Variants in NALF1 observed in about 807,000 individuals in gnomAD.
The protein encoded by NALF1 is NALCN channel auxiliary factor 1.
Under a neutral mutation model 48.4 loss-of-function variants are expected in NALF1, and 3 were observed. The observed-to-expected ratio is 0.06, with a 90% CI of 0.03 to 0.16. NALF1 has a LOEUF of 0.16. Ranked by LOEUF, NALF1 falls within the 10% of genes least tolerant of loss-of-function variation. NALF1 has a pLI of 1.00. For missense variants in NALF1, 526 were observed against 571.5 expected (o/e 0.92, Z 0.81); for synonymous variants, 262 against 245.7 (o/e 1.07, Z -0.62).
At chr13:107,581,547 A>G (rs1878309641) in intron 1 of NALF1, among the ~76,000 whole-genome samples, 1 of 152,188 alleles carries the variant, frequency 6.6e-6, no homozygotes, top group African/African-American at 2.4e-5. Flanking sequence ...CTTGTGTACT[A>G]CAAGAAAATT....
intron 1 of NALF1, among the ~76,000 whole-genome samples, chr13:107,693,969 T>C (rs908990908): frequency 2.6e-5 from 4 of 152,190 alleles, no homozygotes; most frequent in Non-Finnish European, 5.9e-5. Context: ...AAATCGTACA[T>C]GTAACGTCAC....
chr13:107,673,348 G>A (rs1241823853), intron 1 of NALF1, among the ~76,000 whole-genome samples: 1 of 152,164 alleles, frequency 6.6e-6, no homozygotes, highest in Admixed American at 6.5e-5. Flanking sequence ...AGGGATTGGA[G>A]CTTGTCCCAG....
intron 1 of NALF1, among the ~76,000 whole-genome samples, chr13:107,379,211 T>G (rs1883390275): frequency 6.6e-6 from 1 of 152,188 alleles, no homozygotes; most frequent in Non-Finnish European, 1.5e-5. Context: ...CACTTTATGT[T>G]CTGTTGAGTG....
intron 1 of NALF1, among the ~76,000 whole-genome samples, chr13:107,564,543 G>A (rs1026604345): frequency 6.6e-6 from 1 of 152,110 alleles, no homozygotes; most frequent in Admixed American, 6.5e-5. Flanking sequence ...TAGAGTCCAG[G>A]CCCCTAGTTC....
chr13:107,735,536 T>C (rs1876443836), intron 1 of NALF1, among the ~76,000 whole-genome samples: 1 of 152,184 alleles, frequency 6.6e-6, no homozygotes, highest in Non-Finnish European at 1.5e-5. Flanking sequence ...ATATGTTTAA[T>C]TTCTCTCTTC....
At chr13:107,518,711 T>C (rs1227402670) in intron 1 of NALF1, among the ~76,000 whole-genome samples, 1 of 151,934 alleles carries the variant, frequency 6.6e-6, no homozygotes, top group Non-Finnish European at 1.5e-5. Context: ...GAAGAAGAAA[T>C]AAAAAAAGCA....
intron 1 of NALF1, among the ~76,000 whole-genome samples, chr13:107,409,705 A>T (rs545255354): frequency 6.6e-6 from 1 of 152,330 alleles, no homozygotes; most frequent in South Asian, 2.1e-4. Context: ...TATGATTTTC[A>T]TTATGCATAT....
At chr13:107,365,813 TC>T in intron 1 of NALF1, among the ~76,000 whole-genome samples, 1 of 152,278 alleles carries the variant, frequency 6.6e-6, no homozygotes, top group South Asian at 2.1e-4. Context: ...GCAAATACCC[TC>T]AAACTGCACT....
chr13:107,290,883 C>T (rs964664088), intron 1 of NALF1, among the ~76,000 whole-genome samples: 27 of 152,060 alleles, frequency 1.8e-4, no homozygotes, highest in African/African-American at 6.5e-4. Context: ...ATTTGCATGT[C>T]ATTGAATAAA....
intron 1 of NALF1, among the ~76,000 whole-genome samples, chr13:107,267,631 T>G (rs146543047): frequency 2.6e-5 from 4 of 152,318 alleles, no homozygotes; most frequent in Admixed American, 6.5e-5. Flanking sequence ...GAATCCTATA[T>G]GTACTGTTTT....
chr13:107,296,102 CCTAT>C (rs1229408365), intron 1 of NALF1, among the ~76,000 whole-genome samples: 3 of 152,066 alleles, frequency 2.0e-5, no homozygotes, highest in South Asian at 2.1e-4. Context: ...CATAAATTTC[CCTAT>C]CTAATTTAAT....
chr13:107,706,525 TCAC>T (rs1382623477), intron 1 of NALF1, among the ~76,000 whole-genome samples: 4 of 152,222 alleles, frequency 2.6e-5, no homozygotes, highest in African/African-American at 9.6e-5. Flanking sequence ...TGCCTGTTCT[TCAC>T]CACCTAGAAC....
chr13:107,204,684 C>T (rs1279128309), intron 2 of NALF1, among the ~76,000 whole-genome samples: 1 of 152,156 alleles, frequency 6.6e-6, no homozygotes, highest in Non-Finnish European at 1.5e-5. Flanking sequence ...GAAGTTACTA[C>T]ATTTTACTTG....
chr13:107,318,970 C>G (rs1314751716), intron 1 of NALF1, among the ~76,000 whole-genome samples: 2 of 152,068 alleles, frequency 1.3e-5, no homozygotes, highest in Non-Finnish European at 2.9e-5. Context: ...ACTCATCTTA[C>G]ATACATGTTT....
At chr13:107,320,996 A>G in intron 1 of NALF1, 1 of 157,190 alleles carries the variant, frequency 6.4e-6, no homozygotes, top group East Asian at 1.6e-4. Context: ...ATCAACATTT[A>G]TAAAAAAGAA....
At chr13:107,255,565 A>G (rs1349536507) in intron 1 of NALF1, among the ~76,000 whole-genome samples, 1 of 149,070 alleles carries the variant, frequency 6.7e-6, no homozygotes, top group African/African-American at 2.5e-5. Context: ...CGTTTTATAG[A>G]TAAAGAAAGT....
intron 1 of NALF1, among the ~76,000 whole-genome samples, chr13:107,802,993 T>G (rs1230723968): frequency 6.6e-6 from 1 of 152,170 alleles, no homozygotes; most frequent in Non-Finnish European, 1.5e-5. Flanking sequence ...CAGCACCCTT[T>G]GGGTAGAAAT....
intron 1 of NALF1, among the ~76,000 whole-genome samples, chr13:107,317,595 G>C (rs1203781713): frequency 6.6e-6 from 1 of 151,938 alleles, no homozygotes; most frequent in African/African-American, 2.4e-5. Flanking sequence ...ATGCAAAACA[G>C]ATTACACTTC....
chr13:107,709,305 C>T (rs1875498437), intron 1 of NALF1, among the ~76,000 whole-genome samples: 1 of 152,142 alleles, frequency 6.6e-6, no homozygotes, highest in African/African-American at 2.4e-5. Context: ...TTTTCTACGG[C>T]AGAAGAGGAG....
Sources: allele counts gnomAD v4.1 joint callset (sites outside exome capture counted in the v4.1 genomes callset), GRCh38; gene constraint gnomAD v4.1.1; transcripts MANE v1.5; gene names NCBI Gene and HGNC (gene_info 2026-07-23, HGNC 2026-07-21).